ZFHX2: variants seen among roughly 807,000 people sequenced by gnomAD.
The protein encoded by ZFHX2 is zinc finger homeobox protein 2.
Under a neutral mutation model 164.8 loss-of-function variants are expected in ZFHX2, and 75 were observed. The observed-to-expected ratio is 0.46, with a 90% CI of 0.38 to 0.55. The LOEUF is 0.55. Among genes scored for constraint, ZFHX2 ranks in the 20% least tolerant of loss-of-function variants. The probability of loss-of-function intolerance (pLI) is 0.00; values close to 1 mark genes in which losing one functional copy is unlikely to be tolerated. For missense variants in ZFHX2, 2,933 were observed against 3,308.0 expected, an observed-to-expected ratio of 0.89 and a Z score of 2.78; for synonymous variants, 1,217 against 1,351.4, an observed-to-expected ratio of 0.90 and a Z score of 2.18.
chr14:23,524,161 T>A lies in ZFHX2; in HGVS notation c.5781A>T (p.Pro1927=), dbSNP rs1878403854. 6.5e-7 allele frequency: 1 copy of A among 1,535,918 alleles called. No individual in the cohort carries two copies. Among genetic ancestry groups the A allele is most frequent in the Non-Finnish European group, 8.7e-7 (1 of 1,146,882 alleles). Residue 1927 remains proline (P), a synonymous_variant, in exon 9 of 10, where the codon CCA becomes CCT. Transcript: ENST00000419474. The surrounding 1 kb of genome is among the most constrained non-coding windows in gnomAD (Gnocchi z 5.6). ...TGGCTGTGGCAGGCGGTTTCACTGC[T>A]GGACTAGGCACCCCCCCAGGGGTGC... The part of the protein sequence containing the change: ...FRSTPGGVPS[P]AVKPPATATP...
rs1410653506 is a variant in ZFHX2, at chr14:23,524,487, C to G, written c.5455G>C (p.Val1819Leu). ...CCTGGCATTGGTGAGGTGGCTGCCA[C>G]CAGGGGGTTTCTCTCCCCAAACACC... is the stretch of plus-strand genomic sequence containing the variant. ...LLVFGERNPL[V>L]AATSPMPGPP... The change falls in exon 9 of 10, where the codon GTG becomes CTG. Residue 1819 changes from valine to leucine, a missense_variant. Val to Leu is a conservative substitution (Grantham distance 32, BLOSUM62 1). Coordinates refer to ENST00000419474, the MANE Select transcript of ZFHX2 (RefSeq NM_033400.3). The surrounding 1 kb of genome is among the most constrained non-coding windows in gnomAD (Gnocchi z 5.6). The G allele has an allele frequency of 2.0e-6, 3 of 1,530,114 alleles. No individual in the cohort carries two copies. Among genetic ancestry groups the G allele is most frequent in the East Asian group, 4.9e-5 (2 of 40,876 alleles). The allele number at this position is 1,530,114 out of a possible 1,614,324, so 94.8% of individuals were successfully genotyped here.
rs1023756282 is a variant in ZFHX2, at chr14:23,524,979, A to G, written c.4963T>C (p.Cys1655Arg). The G allele has an allele frequency of 6.5e-7, 1 of 1,536,188 alleles. No individual in the cohort carries two copies. The highest frequency in any genetic ancestry group is 8.7e-7 in the Non-Finnish European group (1 of 1,146,918). Residue 1655 changes from cysteine (C) to arginine (R), a missense_variant, in exon 9 of 10, where the codon TGT becomes CGT. Coordinates refer to ENST00000419474, the MANE Select transcript of ZFHX2 (RefSeq NM_033400.3). This position sits in a 1 kb window ranked among gnomAD's most constrained non-coding sequence, Gnocchi z 5.6. ...NARQKARKNA[C>R]EGGSMPTGGG... Reference sequence around the variant, plus strand: ...CCGGTTGGCATGGACCCACCCTCACAGGCATTTTTGCGTGCTTTCTGGCGG... The same window carrying G: ...CCGGTTGGCATGGACCCACCCTCACGGGCATTTTTGCGTGCTTTCTGGCGG...
In ZFHX2 at chr14:23,521,861, G is replaced by A. The variant is rs771786648; in HGVS notation, c.*101C>T. 8.2e-5 allele frequency: 122 copies of A among 1,491,392 alleles called. No individual in the cohort carries two copies. The highest frequency in any genetic ancestry group is 9.5e-5 in the Non-Finnish European group (107 of 1,126,260). The allele number at this position is 1,491,392 out of a possible 1,614,324, so 92.4% of individuals were successfully genotyped here. On this transcript the variant is annotated 3_prime_UTR_variant, in exon 10 of 10. Transcript: ENST00000419474. The stretch of plus-strand genomic sequence containing the variant: ...GAACAGTTCCTGTGAGGTGGGCGGG[G>A]CCAGGGGGTGGGGTGAGGGATTTGA...
In ZFHX2 at chr14:23,530,085, G is replaced by A. The variant is rs766548191; in HGVS notation, c.2875+35C>T. On this transcript the variant is annotated intron_variant, in intron 5 of 9. Transcript: ENST00000419474. The stretch of plus-strand genomic sequence containing the variant: ...CAAGGTCCCGTGAGCGTCTCAGAAG[G>A]TAGGAGGACTGGGGGGAAGGGAGGG... 3.5e-5 allele frequency: 53 copies of A among 1,509,872 alleles called. No individual in the cohort carries two copies. The African/African-American group carries it at 6.5e-4, about 19-fold the overall frequency. The allele number at this position is 1,509,872 out of a possible 1,614,324, so 93.5% of individuals were successfully genotyped here.
rs1193336764 is a variant in ZFHX2, at chr14:23,522,364, GCTGC to G, written c.7313_7316del (p.Gly2438AlafsTer9). 6.5e-7 allele frequency: 1 copy of G among 1,535,994 alleles called. No individual in the cohort carries two copies. The stretch of plus-strand genomic sequence containing the variant: ...TTACATCCACGGTGGAGATGCCAGT[GCTGC>G]CTGTCAGCAGCTCATCAACCTCACC... On this transcript the variant is annotated frameshift_variant, in exon 10 of 10. Coordinates refer to ENST00000419474, the MANE Select transcript of ZFHX2 (RefSeq NM_033400.3). LOFTEE classifies it high-confidence loss of function.
chr14:23,537,842 C>A (rs899882119), intron 1 of ZFHX2, among the ~76,000 whole-genome samples: 2 of 152,144 alleles, frequency 1.3e-5, no homozygotes, highest in African/African-American at 2.4e-5. Flanking sequence ...ACAGGGTGGG[C>A]CACACCGCCC....
Position 23,521,844 on chromosome 14 carries a change from C to T in ZFHX2, c.*118G>A. On this transcript the variant is annotated 3_prime_UTR_variant, in exon 10 of 10. Transcript: ENST00000419474. ...CACTGAGGGTGGGAACTGAACAGTT[C>T]CTGTGAGGTGGGCGGGGCCAGGGGG... is the stretch of plus-strand genomic sequence containing the variant. 5 of 1,476,212 alleles carry T rather than the reference C, an allele frequency of 3.4e-6. No homozygotes were observed. Among genetic ancestry groups the T allele is most frequent in the Non-Finnish European group, 4.5e-6 (5 of 1,118,678 alleles). The allele number at this position is 1,476,212 out of a possible 1,614,324, so 91.4% of individuals were successfully genotyped here.
Position 23,531,475 on chromosome 14 carries a change from C to T in ZFHX2, c.2800+6G>A. On this transcript the variant is annotated splice_donor_region_variant and intron_variant, in intron 4 of 9. Coordinates refer to ENST00000419474, the MANE Select transcript of ZFHX2 (RefSeq NM_033400.3). The stretch of plus-strand genomic sequence containing the variant: ...AGCTCTTATTCTCCAGTCCCTTCTT[C>T]CTCACCGGGAGTCCGGAGCTGCCCG... 1.4e-6 allele frequency: 2 copies of T among 1,399,478 alleles called. No individual in the cohort carries two copies. The highest frequency in any genetic ancestry group is 1.9e-6 in the Non-Finnish European group (2 of 1,070,190). 86.7% of individuals were successfully genotyped at this position (1,399,478 alleles called of 1,614,324 possible).
chr14:23,522,459 G>T lies in ZFHX2; in HGVS notation c.7222C>A (p.Pro2408Thr). Residue 2408 changes from proline to threonine, a missense_variant, in exon 10 of 10, where the codon CCT becomes ACT. By Grantham distance (38) the Pro-to-Thr change is conservative. Coordinates refer to ENST00000419474, the MANE Select transcript of ZFHX2 (RefSeq NM_033400.3). ...GGAGGTGCTGTGGCTGTGGGCTCAG[G>T]GGGCTGGGGTGGCGGCTGGAGGAGG... ...NALLQPPPQP[P>T]EPTATAPPKP... is the part of the protein sequence containing the mutation. 6.5e-7 allele frequency: 1 copy of T among 1,536,266 alleles called. No individual in the cohort carries two copies. The highest frequency in any genetic ancestry group is 8.7e-7 in the Non-Finnish European group (1 of 1,146,790).
At chr14:23,527,910 T>TC in intron 6 of ZFHX2, 106 bp from the exon 7 acceptor site, 1 of 1,045,400 alleles carries the variant, frequency 9.6e-7, no homozygotes, top group Non-Finnish European at 1.3e-6. Context: ...CCTTTTTTTT[T>TC]TTTTTTTTTT....
In ZFHX2 at chr14:23,524,298, G is replaced by T; in HGVS notation, c.5644C>A (p.Pro1882Thr). 3.9e-6 allele frequency: 6 copies of T among 1,536,350 alleles called. No individual in the cohort carries two copies. Among genetic ancestry groups the T allele is most frequent in the Non-Finnish European group, 5.2e-6 (6 of 1,146,954 alleles). ...ATGCAGTCGAGCATCTTGCGTGTTG[G>T]GTTGGAATCCTGCATGTACCAACGG... ...LYRWYMQDSN[P>T]TRKMLDCISE... Residue 1882 changes from proline (P) to threonine (T), a missense_variant, in exon 9 of 10, where the codon CCA becomes ACA. Transcript: ENST00000419474. This position sits in a 1 kb window ranked among gnomAD's most constrained non-coding sequence, Gnocchi z 5.6.
rs575221770 is a variant in ZFHX2, at chr14:23,522,095, C to T, written c.7586G>A (p.Gly2529Asp). The T allele has an allele frequency of 2.4e-3, 3,664 of 1,535,628 alleles. 7 individuals are homozygous for T. Among genetic ancestry groups the T allele is most frequent in the Non-Finnish European group, 3.0e-3 (3,453 of 1,146,512 alleles). The change falls in exon 10 of 10, where the codon GGC (glycine) becomes GAC (aspartate). Residue 2529 changes from glycine (G) to aspartate (D), a missense_variant. Transcript: ENST00000419474. ...GGCGTTGGTGATGGAGATGGGTGGG[C>T]CCCCTTGAGGTGGGGCTGCCTTGCG... ...HRRKAAPPQG[G>D]PPISITNAAT...
intron 9 of ZFHX2, 52 bp from the exon 10 acceptor site, chr14:23,522,993 T>C: frequency 7.0e-7 from 1 of 1,423,406 alleles, no homozygotes; most frequent in Non-Finnish European, 9.2e-7. Flanking sequence ...GTCCCATCAT[T>C]CTTCCTGCCA....
At chr14:23,549,647 G>A (rs1338368278) in intron 1 of ZFHX2, among the ~76,000 whole-genome samples, 2 of 152,290 alleles carry the variant, frequency 1.3e-5, no homozygotes, top group Non-Finnish European at 2.9e-5. Context: ...ATGAACTGAA[G>A]GATGGGGGGC....
In ZFHX2 at chr14:23,522,177, C is replaced by T. The variant is rs1475929703; in HGVS notation, c.7504G>A (p.Val2502Met). 1.3e-6 allele frequency: 2 copies of T among 1,494,836 alleles called. No individual in the cohort carries two copies. Among genetic ancestry groups the T allele is most frequent in the Non-Finnish European group, 1.8e-6 (2 of 1,126,384 alleles). The allele number at this position is 1,494,836 out of a possible 1,614,324, so 92.6% of individuals were successfully genotyped here. ...AGGGCTTCACGCCCACTCAGCAGCACCTCACATGCCAGGCAGTGGTAGGTG... is the reference window on the plus strand; with the variant it reads ...AGGGCTTCACGCCCACTCAGCAGCATCTCACATGCCAGGCAGTGGTAGGTG... ...ICTYHCLACEVLLSGREALAS... is the reference protein window; with the variant it reads ...ICTYHCLACEMLLSGREALAS... Residue 2502 changes from valine (V) to methionine (M), a missense_variant, in exon 10 of 10, where the codon GTG (valine) becomes ATG (methionine). By Grantham distance (21) the Val-to-Met change is conservative. Coordinates refer to ENST00000419474, the MANE Select transcript of ZFHX2 (RefSeq NM_033400.3).
rs137916702 is a variant in ZFHX2 at position 23,535,820 on chromosome 14, G to A, written c.-49-446C>T. Among the ~76,000 whole-genome samples, 159 of 152,184 alleles carry A rather than the reference G, an allele frequency of 1.0e-3. 4 individuals carry two copies. The East Asian group carries it at 0.026, about 25-fold the overall frequency. On this transcript the variant is annotated intron_variant, in intron 1 of 9. Transcript: ENST00000419474. This position sits in a 1 kb window ranked among gnomAD's most constrained non-coding sequence, Gnocchi z 4.5. The stretch of plus-strand genomic sequence containing the variant: ...TTGGTCAGGCTGGTCTCTAACTCCC[G>A]ACCTCAAGTGATCCGCCCACCTCGG...
intron 4 of ZFHX2, 98 bp from the exon 5 acceptor site, chr14:23,530,292 G>A: frequency 2.2e-6 from 2 of 920,032 alleles, no homozygotes; most frequent in Non-Finnish European, 3.4e-6. Context: ...AGTCAATGAA[G>A]GAGAAAATGG....
At position 23,546,182 on chromosome 14, in the gene ZFHX2, G is replaced by C. The variant is rs1489374676; in HGVS notation, c.-50+5161C>G. On this transcript the variant is annotated intron_variant, in intron 1 of 9. Transcript: ENST00000419474. This position sits in a 1 kb window ranked among gnomAD's most constrained non-coding sequence, Gnocchi z 4.7. Reference sequence around the variant, plus strand: ...ATAAACTGCTCTGCAGAGAGGTCTTGCACACCCTGGAACATTCATGTCTTT... The same window carrying C: ...ATAAACTGCTCTGCAGAGAGGTCTTCCACACCCTGGAACATTCATGTCTTT... Among the ~76,000 whole-genome samples, 1 of 152,218 alleles carries C rather than the reference G, an allele frequency of 6.6e-6. No individual in the cohort carries two copies. Among genetic ancestry groups the C allele is most frequent in the African/African-American group, 2.4e-5 (1 of 41,454 alleles).
In ZFHX2 at chr14:23,523,937, G is replaced by A. The variant is rs756160832; in HGVS notation, c.6005C>T (p.Pro2002Leu). The change falls in exon 9 of 10, where the codon CCT (proline) becomes CTT (leucine). Residue 2002 changes from proline to leucine, a missense_variant. Transcript: ENST00000419474. This position sits in a 1 kb window ranked among gnomAD's most constrained non-coding sequence, Gnocchi z 4.1. The stretch of plus-strand genomic sequence containing the variant: ...TGGGCCCTCTTCCTCACTGGGTGGA[G>A]GGGGAGGTAGGAGAGGTAGAGGTGG... ...PEPPLPLLPP[P>L]PPSEEEGPEE... is the part of the protein sequence containing the mutation. The A allele has an allele frequency of 6.5e-7, 1 of 1,536,164 alleles. No homozygotes were observed. The highest frequency in any genetic ancestry group is 1.2e-5 in the South Asian group (1 of 84,050).
Sources: allele counts gnomAD v4.1 joint callset (sites outside exome capture counted in the v4.1 genomes callset), GRCh38; gene constraint gnomAD v4.1.1; non-coding constraint Gnocchi (gnomAD v3.1); transcripts MANE v1.5; gene names NCBI Gene and HGNC (gene_info 2026-07-23, HGNC 2026-07-21).